The following RICTOR variants were observed in gnomAD, a reference collection of about 807,000 sequenced individuals.
RICTOR encodes the protein RPTOR independent companion of MTOR complex 2, also known as rapamycin-insensitive companion of mTOR.
A neutral mutation model predicts 214.9 loss-of-function variants in RICTOR; 49 were observed. The ratio of observed to expected loss-of-function variants is 0.23; its 90% CI spans 0.18 to 0.29. The LOEUF (loss-of-function observed/expected upper bound fraction) is 0.29. Ranked by LOEUF, RICTOR falls within the 10% of genes least tolerant of loss-of-function variation. The probability of loss-of-function intolerance (pLI) is 1.00; values close to 1 mark genes in which losing one functional copy is unlikely to be tolerated. For synonymous variants in RICTOR, 717 were observed against 711.3 expected, an observed-to-expected ratio of 1.01 and a Z score of -0.13; for missense variants, 1,625 against 2,047.0, an observed-to-expected ratio of 0.79 and a Z score of 3.98.
intron 3 of RICTOR, among the ~76,000 whole-genome samples, chr5:39,018,018 T>C (rs1022169798): frequency 2.6e-5 from 4 of 152,176 alleles, no homozygotes; most frequent in Non-Finnish European, 5.9e-5. Context: ...GATTCTTTCA[T>C]TAAAAACAAT....
chr5:38,982,887 C>G (rs987209737), intron 7 of RICTOR, among the ~76,000 whole-genome samples: 2 of 151,774 alleles, frequency 1.3e-5, no homozygotes, highest in Non-Finnish European at 2.9e-5. Context: ...TATTTTTACT[C>G]TTTTTCAAAA....
At chr5:38,984,904 C>T (rs1752037285) in intron 7 of RICTOR, among the ~76,000 whole-genome samples, 1 of 152,164 alleles carries the variant, frequency 6.6e-6, no homozygotes, top group African/African-American at 2.4e-5. Flanking sequence ...ACTGCAACCT[C>T]CGCCTCCCGG....
chr5:39,074,066 T>TC, intron 2 of RICTOR, 45 bp downstream of exon 2: 1 of 1,486,936 alleles, frequency 6.7e-7, no homozygotes, highest in Admixed American at 2.2e-5. Flanking sequence ...ACCCGGCTCC[T>TC]CCCCAGCAGC....
Position 38,982,029 on chromosome 5 carries a change from C to T in RICTOR, c.591G>A (p.Gln197=). ...CTCGAAGGGCCACCACCTCTGGATT[C>T]TGAAGTGCTAAAAGAGAAAAACTTA... ...CIAIICELAL[Q]NPEVVALRGG... The change falls in exon 8 of 38, where the codon CAG becomes CAA. Residue 197 remains glutamine (Q), a synonymous_variant. Transcript: ENST00000357387. The T allele has an allele frequency of 1.2e-6, 2 of 1,608,566 alleles. No individual in the cohort carries two copies. The highest frequency in any genetic ancestry group is 3.3e-5 in the Admixed American group (2 of 59,906).
intron 8 of RICTOR, 140 bp from the exon 9 acceptor site, chr5:38,978,790 C>T: frequency 2.0e-6 from 1 of 491,524 alleles, no homozygotes; most frequent in Non-Finnish European, 3.6e-6. Context: ...AACTCATCAT[C>T]AGGGAATATG....
chr5:39,069,856 A>G (rs1759181757), intron 2 of RICTOR, among the ~76,000 whole-genome samples: 1 of 152,176 alleles, frequency 6.6e-6, no homozygotes, highest in South Asian at 2.1e-4. Context: ...TATTCTTTTA[A>G]GAAGTCAACC....
At chr5:39,020,104 GCTTTAATGGATAAGGAGTTCC>G (rs1390809047) in intron 3 of RICTOR, among the ~76,000 whole-genome samples, 1 of 152,094 alleles carries the variant, frequency 6.6e-6, no homozygotes, top group African/African-American at 2.4e-5. Flanking sequence ...CATGAAAAAA[GCTTTAATGGATAAGGAGTTCC>G]CTCTTATGGA....
At chr5:39,031,357 T>C (rs1177949451) in intron 2 of RICTOR, among the ~76,000 whole-genome samples, 5 of 152,156 alleles carry the variant, frequency 3.3e-5, no homozygotes, top group African/African-American at 1.2e-4. Flanking sequence ...CTTTGACATT[T>C]TCCTCTCCCT....
Position 38,945,742 on chromosome 5 carries a change from T to C in RICTOR, c.4400-18A>G. On this transcript the variant is annotated intron_variant, in intron 33 of 37. Coordinates refer to ENST00000357387, the MANE Select transcript of RICTOR (RefSeq NM_152756.5). ...TGGAAGACCTGTGCATAAGTAAATA[T>C]AAAACATAATCCAATAAAGATAATA... The C allele has an allele frequency of 7.7e-7, 1 of 1,292,500 alleles. No homozygotes were observed. The highest frequency in any genetic ancestry group is 1.1e-6 in the Non-Finnish European group (1 of 897,304). The allele number at this position is 1,292,500 out of a possible 1,614,324, so 80.1% of individuals were successfully genotyped here.
At chr5:39,046,028 A>AAAATAAATAAAT (rs141969707) in intron 2 of RICTOR, among the ~76,000 whole-genome samples, 37,275 of 139,918 alleles carry the variant, frequency 0.27, 5,165 homozygotes, top group East Asian at 0.33. Context: ...TCTGTCTTTA[A>AAAATAAATAAAT]AAATAAATAA....
chr5:39,019,560 A>G (rs1029201332), intron 3 of RICTOR, among the ~76,000 whole-genome samples: 2 of 152,326 alleles, frequency 1.3e-5, no homozygotes, highest in Admixed American at 6.5e-5. Context: ...ATGGTTTACT[A>G]CATATTTTAA....
At chr5:39,059,407 A>G (rs1758395255) in intron 2 of RICTOR, among the ~76,000 whole-genome samples, 1 of 151,816 alleles carries the variant, frequency 6.6e-6, no homozygotes, top group Non-Finnish European at 1.5e-5. Context: ...CTTCCAGGGT[A>G]TTGCAATATT....
intron 7 of RICTOR, among the ~76,000 whole-genome samples, chr5:38,990,675 C>CTG (rs1491325005): frequency 2.3e-5 from 2 of 85,384 alleles, no homozygotes; most frequent in East Asian, 2.9e-4. Context: ...AGATATATAT[C>CTG]AGATATATCA....
At chr5:39,055,935 G>A (rs1758177703) in intron 2 of RICTOR, among the ~76,000 whole-genome samples, 2 of 152,190 alleles carry the variant, frequency 1.3e-5, no homozygotes, top group South Asian at 4.1e-4. Context: ...TTACCATCTG[G>A]TCTCAGATTG....
chr5:38,958,758 C>T lies in RICTOR; in HGVS notation c.2252G>A (p.Gly751Glu). Reference sequence around the variant, plus strand: ...TAGCTGGGTCACTAACAACTCAATTCCCCAATTATTAAAGAATTCAACATT... The same window carrying T: ...TAGCTGGGTCACTAACAACTCAATTTCCCAATTATTAAAGAATTCAACATT... ...RANVEFFNNW[G>E]IELLVTQLHD... Residue 751 changes from glycine (G) to glutamate (E), a missense_variant, in exon 23 of 38, where the codon GGA becomes GAA. Physicochemically the swap from Gly to Glu is moderately conservative, Grantham distance 98. This residue lies in a region of RICTOR where 1,214 missense variants were observed against 1,470.5 expected (regional missense o/e 0.83). Coordinates refer to ENST00000357387, the MANE Select transcript of RICTOR (RefSeq NM_152756.5). 6.2e-7 allele frequency: 1 copy of T among 1,610,442 alleles called. No homozygotes were observed. The highest frequency in any genetic ancestry group is 8.5e-7 in the Non-Finnish European group (1 of 1,177,670).
Position 38,967,961 on chromosome 5 carries a change from C to G in RICTOR, c.1042G>C (p.Glu348Gln), listed in dbSNP as rs1750374521. The change falls in exon 12 of 38, where the codon GAA becomes CAA. Residue 348 changes from glutamate to glutamine, a missense_variant. Transcript: ENST00000357387. ...TACTTACCTACACTGAGTAGTGCTT[C>G]TATGAACTCCTCAGTCACAACAGGT... The part of the protein sequence containing the change: ...PLPVVTEEFI[E>Q]ALLSVDPGRF... 6.3e-7 allele frequency: 1 copy of G among 1,577,926 alleles called. No homozygotes were observed. The highest frequency in any genetic ancestry group is 1.1e-5 in the South Asian group (1 of 90,310).
chr5:39,049,232 C>T (rs914564681), intron 2 of RICTOR, among the ~76,000 whole-genome samples: 5 of 151,334 alleles, frequency 3.3e-5, no homozygotes, highest in Admixed American at 6.6e-5. Flanking sequence ...ATATAGGGCA[C>T]AACCAAAAAC....
chr5:38,987,093 A>G (rs1185529459), intron 7 of RICTOR, among the ~76,000 whole-genome samples: 1 of 152,156 alleles, frequency 6.6e-6, no homozygotes, highest in Non-Finnish European at 1.5e-5. Flanking sequence ...CGTGGTGGAT[A>G]AGCTTTTTGA....
chr5:38,998,348 G>A (rs762355252), intron 5 of RICTOR, among the ~76,000 whole-genome samples: 6 of 152,124 alleles, frequency 3.9e-5, no homozygotes, highest in Non-Finnish European at 8.8e-5. Context: ...ACCATGCCTG[G>A]CTAATTTTTG....
Sources: gnomAD v4.1 joint callset for allele counts (sites outside exome capture counted in the v4.1 genomes callset) on GRCh38, gnomAD v4.1.1 for gene constraint, gnomAD v4.1.1 regional missense constraint, MANE v1.5 for transcripts, NCBI Gene and HGNC (gene_info 2026-07-23, HGNC 2026-07-21) for gene names.